AP4S1: variants seen among roughly 807,000 people sequenced by gnomAD.
AP4S1 encodes adaptor related protein complex 4 subunit sigma 1.
Under a neutral mutation model 19.8 loss-of-function variants are expected in AP4S1, and 23 were observed. The observed-to-expected ratio is 1.16, with a 90% CI of 0.84 to 1.65. AP4S1 has a LOEUF of 1.65. Ranked by LOEUF, AP4S1 falls within the 40% of genes most tolerant of loss-of-function variation. The pLI is 0.00. For missense variants in AP4S1, 166 were observed against 172.8 expected, an observed-to-expected ratio of 0.96 and a Z score of 0.22; for synonymous variants, 46 against 54.1, an observed-to-expected ratio of 0.85 and a Z score of 0.66.
At chr14:31,043,884 G>A (rs1053987678) in intron 1 of AP4S1, among the ~76,000 whole-genome samples, 3 of 152,104 alleles carry the variant, frequency 2.0e-5, no homozygotes, top group African/African-American at 7.2e-5. Context: ...TCTCGCAGTT[G>A]CCATTTCCAT....
At chr14:31,082,850 T>C (rs577226496) in intron 5 of AP4S1, among the ~76,000 whole-genome samples, 34 of 150,074 alleles carry the variant, frequency 2.3e-4, no homozygotes, top group East Asian at 9.8e-4. Flanking sequence ...GAGCCGAGAT[T>C]GCGCCACTGC....
At chr14:31,074,804 C>T (rs185422946) in intron 4 of AP4S1, among the ~76,000 whole-genome samples, 5 of 145,946 alleles carry the variant, frequency 3.4e-5, no homozygotes, top group East Asian at 2.0e-4. Flanking sequence ...GAAACGTACC[C>T]ATTAGCATTT....
chr14:31,027,110 G>A (rs1032847235), intron 1 of AP4S1: 2 of 152,082 alleles, frequency 1.3e-5, no homozygotes, highest in African/African-American at 2.4e-5. Flanking sequence ...ATGGGTTGTG[G>A]GGGGGTTGGG....
chr14:31,088,947 A>C (rs1887999662), intron 5 of AP4S1, among the ~76,000 whole-genome samples: 1 of 151,962 alleles, frequency 6.6e-6, no homozygotes, highest in Non-Finnish European at 1.5e-5. Context: ...GCCGCACTTC[A>C]GCCCAGGGGT....
At chr14:31,032,382 A>G (rs1884450773) in intron 1 of AP4S1, among the ~76,000 whole-genome samples, 1 of 152,174 alleles carries the variant, frequency 6.6e-6, no homozygotes, top group Non-Finnish European at 1.5e-5. Context: ...AGGTTAAGGA[A>G]TTCCAGGCTT....
intron 1 of AP4S1, among the ~76,000 whole-genome samples, chr14:31,049,459 ATATG>A (rs1213381945): frequency 1.3e-5 from 1 of 74,482 alleles, no homozygotes; most frequent in Non-Finnish European, 2.6e-5. Context: ...ATATATATAT[ATATG>A]TATATATATG....
Position 31,083,818 on chromosome 14 carries a change from T to C in AP4S1, c.306+3234T>C, listed in dbSNP as rs111791767. On this transcript the variant is annotated intron_variant, in intron 5 of 5. Coordinates refer to ENST00000542754, the MANE Select transcript of AP4S1 (RefSeq NM_001128126.3). The stretch of plus-strand genomic sequence containing the variant: ...TTACTACCCTTAGCCATCTGAAAAA[T>C]ATCGGATTAAAAACCCCTGACTCTC... 5.9e-3 allele frequency among the ~76,000 whole-genome samples: 896 copies of C among 152,072 alleles called. 6 individuals are homozygous for C. Among genetic ancestry groups the C allele is most frequent in the African/African-American group, 0.02 (840 of 41,492 alleles).
At chr14:31,091,702 A>G (rs1257720488) in intron 5 of AP4S1, among the ~76,000 whole-genome samples, 4 of 152,186 alleles carry the variant, frequency 2.6e-5, no homozygotes, top group African/African-American at 9.7e-5. Context: ...TCACTAAGCA[A>G]ATACAGTGTA....
intron 1 of AP4S1, among the ~76,000 whole-genome samples, chr14:31,059,969 GTATTTATGTATATATGTATATATATT>G (rs1886332712): frequency 1.4e-5 from 1 of 71,338 alleles, no homozygotes; most frequent in Non-Finnish European, 3.0e-5. Flanking sequence ...GTATATATAT[GTATTTATGTATATATGTATATATATT>G]TATATGTATT....
At position 31,062,727 on chromosome 14, in the gene AP4S1, G is replaced by A. The variant is rs565824407; in HGVS notation, c.-71-3399G>A. On this transcript the variant is annotated intron_variant, in intron 1 of 5. Coordinates refer to ENST00000542754, the MANE Select transcript of AP4S1 (RefSeq NM_001128126.3). ...TCATGCCTGTAATCCCAGCACTGTG[G>A]GAGGCCAAGGTAGGCGGATCACGAG... Among the ~76,000 whole-genome samples the A allele has an allele frequency of 5.5e-3, 819 of 149,234 alleles. 6 individuals are homozygous for A. The highest frequency in any genetic ancestry group is 0.019 in the African/African-American group (780 of 40,616).
chr14:31,065,571 G>T (rs1371670172), intron 1 of AP4S1, among the ~76,000 whole-genome samples: 1 of 152,210 alleles, frequency 6.6e-6, no homozygotes, highest in Admixed American at 6.5e-5. Flanking sequence ...TGAATGAATA[G>T]AAACAGAAGT....
At chr14:31,092,248 TCTGA>T in intron 5 of AP4S1, among the ~76,000 whole-genome samples, 1 of 152,312 alleles carries the variant, frequency 6.6e-6, no homozygotes, top group African/African-American at 2.4e-5. Flanking sequence ...CATCAGTCTG[TCTGA>T]CAGAGAAGAA....
chr14:31,084,864 C>T lies in AP4S1; in HGVS notation c.306+4280C>T, dbSNP rs748041792. On this transcript the variant is annotated intron_variant, in intron 5 of 5. Transcript: ENST00000542754. The stretch of plus-strand genomic sequence containing the variant: ...GTTCATCATTCAAAGGAGCTGCCTC[C>T]ACCACCCCCATCTACTGAATAGCCA... 3.1e-6 allele frequency: 5 copies of T among 1,614,108 alleles called. No homozygotes were observed. In the African/African-American group the frequency reaches 4.0e-5, roughly 13 times the overall value.
chr14:31,072,509 T>G (rs2139066023), intron 3 of AP4S1, among the ~76,000 whole-genome samples: 1 of 152,292 alleles, frequency 6.6e-6, no homozygotes, highest in South Asian at 2.1e-4. Context: ...TAGCTGAGAC[T>G]ACAGGCATGC....
intron 3 of AP4S1, among the ~76,000 whole-genome samples, chr14:31,072,448 G>A (rs1016390115): frequency 6.6e-6 from 1 of 151,834 alleles, no homozygotes; most frequent in African/African-American, 2.4e-5. Context: ...ATAGCTCACT[G>A]CAGCCTGGAA....
intron 1 of AP4S1, among the ~76,000 whole-genome samples, chr14:31,045,161 C>T (rs1453644678): frequency 1.3e-5 from 2 of 152,186 alleles, no homozygotes. Flanking sequence ...TTCGGCCTCC[C>T]AAAGCGCTGG....
chr14:31,044,306 A>G (rs1349201207), intron 1 of AP4S1, among the ~76,000 whole-genome samples: 1 of 152,100 alleles, frequency 6.6e-6, no homozygotes, highest in Non-Finnish European at 1.5e-5. Flanking sequence ...AGTAGCTCAC[A>G]ACTGTTCCAA....
At chr14:31,036,344 A>C (rs1290507927) in intron 1 of AP4S1, among the ~76,000 whole-genome samples, 1 of 152,046 alleles carries the variant, frequency 6.6e-6, no homozygotes, top group African/African-American at 2.4e-5. Context: ...TGGCCTCCCA[A>C]AGTGCTGGGA....
intron 3 of AP4S1, 57 bp from the exon 4 acceptor site, chr14:31,072,848 C>T: frequency 7.0e-7 from 1 of 1,424,050 alleles, no homozygotes; most frequent in Non-Finnish European, 9.9e-7. Context: ...AGTTCTATGT[C>T]TGGTTTACAT....
Sources: allele counts gnomAD v4.1 joint callset (sites outside exome capture counted in the v4.1 genomes callset), GRCh38; gene constraint gnomAD v4.1.1; transcripts MANE v1.5; gene names NCBI Gene and HGNC (gene_info 2026-07-23, HGNC 2026-07-21).